Variants in CACNA1I observed in about 807,000 individuals in gnomAD.
CACNA1I encodes voltage-dependent T-type calcium channel subunit alpha-1I.
CACNA1I carries 74 observed loss-of-function variants against 201.6 expected under a neutral mutation model. The ratio of observed to expected loss-of-function variants is 0.37; its 90% CI spans 0.30 to 0.45. The LOEUF (loss-of-function observed/expected upper bound fraction) is 0.45, where lower values mean the gene tolerates loss of function less well. Ranked by LOEUF, CACNA1I falls within the 20% of genes least tolerant of loss-of-function variation. The probability of loss-of-function intolerance (pLI) is 1.00; values close to 1 mark genes in which losing one functional copy is unlikely to be tolerated. For missense variants in CACNA1I, 2,346 were observed against 3,138.1 expected (o/e 0.75, Z 6.03); for synonymous variants, 1,431 against 1,345.2 (o/e 1.06, Z -1.40).
intron 3 of CACNA1I, among the ~76,000 whole-genome samples, chr22:39,615,268 G>A (rs3788568): frequency 7.9e-4 from 120 of 152,126 alleles, no homozygotes; most frequent in African/African-American, 2.8e-3. Context: ...GGAGATGGAC[G>A]GAGGCCACAT....
At chr22:39,602,049 G>GCCCT (rs1351973659) in intron 3 of CACNA1I, among the ~76,000 whole-genome samples, 4 of 4,168 alleles carry the variant, frequency 9.6e-4, no homozygotes, top group South Asian at 0.011. Context: ...TCTTTCTTTC[G>GCCCT]CCCTCCCTCC....
rs1459117073 is a variant in CACNA1I at position 39,665,097 on chromosome 22, G to A, written c.3851+174G>A. Among the ~76,000 whole-genome samples, 1 of 152,098 alleles carries A rather than the reference G, an allele frequency of 6.6e-6. No individual in the cohort carries two copies. The highest frequency in any genetic ancestry group is 2.4e-5 in the African/African-American group (1 of 41,410). ...AGGGGTCTGCAGACCCTGGGGGTGG[G>A]GTATGCTGGAAGAGCAGGGCTGAAG... On this transcript the variant is annotated intron_variant, in intron 21 of 36. Transcript: ENST00000402142. The surrounding 1 kb of genome is among the most constrained non-coding windows in gnomAD (Gnocchi z 5.5).
chr22:39,596,516 A>G, intron 1 of CACNA1I, among the ~76,000 whole-genome samples: 1 of 45,826 alleles, frequency 2.2e-5, no homozygotes, highest in Admixed American at 2.6e-4. Context: ...GGGTGGAGAG[A>G]GATGGGGGGG....
rs759603524 is a variant in CACNA1I, at chr22:39,649,664, G to C, written c.1731G>C (p.Ser577=). 8.6e-6 allele frequency: 13 copies of C among 1,515,638 alleles called. No individual in the cohort carries two copies. In the South Asian group the frequency reaches 1.4e-4, roughly 16 times the overall value. The allele number at this position is 1,515,638 out of a possible 1,614,324, so 93.9% of individuals were successfully genotyped here. ...LGSTDSGQEG[S]GSGSSAGGED... ...GCACCGACTCGGGCCAGGAGGGCTC[G>C]GGCTCCGGGAGCTCCGCTGGTGGCG... Residue 577 remains serine, a synonymous_variant, in exon 10 of 37, where the codon TCG becomes TCC. Transcript: ENST00000402142. The surrounding 1 kb of genome is among the most constrained non-coding windows in gnomAD (Gnocchi z 7.3).
intron 3 of CACNA1I, 83 bp from the exon 4 acceptor site, chr22:39,619,226 AG>A: frequency 1.0e-6 from 1 of 992,348 alleles, no homozygotes; most frequent in Non-Finnish European, 1.6e-6. Context: ...AGTAGTGCGC[AG>A]GTGGCTGGAG....
intron 4 of CACNA1I, among the ~76,000 whole-genome samples, chr22:39,623,095 G>T (rs1933797176): frequency 6.6e-6 from 1 of 152,252 alleles, no homozygotes; most frequent in Non-Finnish European, 1.5e-5. Flanking sequence ...CTGCAGGCGG[G>T]CTTAGGGGCA....
At chr22:39,575,711 A>G (rs1306851726) in intron 1 of CACNA1I, among the ~76,000 whole-genome samples, 1 of 152,104 alleles carries the variant, frequency 6.6e-6, no homozygotes, top group East Asian at 1.9e-4. Flanking sequence ...ATGGGGAGCC[A>G]TCAGCCTGAA....
chr22:39,680,581 A>G (rs769587611), intron 33 of CACNA1I, among the ~76,000 whole-genome samples: 10 of 152,172 alleles, frequency 6.6e-5, no homozygotes, highest in Non-Finnish European at 1.2e-4. Flanking sequence ...ACATGGGGCC[A>G]TAGATGAGTC....
Position 39,677,503 on chromosome 22 carries a change from C to G in CACNA1I, c.4933+84C>G. Reference sequence around the variant, plus strand: ...GGGGGGGCGGGGGAGGCCTGAGACCCCTGAGCCCGTCACATCAGGGTCTTT... The same window carrying G: ...GGGGGGGCGGGGGAGGCCTGAGACCGCTGAGCCCGTCACATCAGGGTCTTT... On this transcript the variant is annotated intron_variant, in intron 30 of 36. Transcript: ENST00000402142. This position sits in a 1 kb window ranked among gnomAD's most constrained non-coding sequence, Gnocchi z 4.8. 1.1e-6 allele frequency: 1 copy of G among 928,696 alleles called. No homozygotes were observed. Among genetic ancestry groups the G allele is most frequent in the South Asian group, 1.7e-5 (1 of 59,970 alleles). 57.5% of individuals were successfully genotyped at this position (928,696 alleles called of 1,614,324 possible). A position where few individuals can be genotyped will look rare whatever the true frequency, so the allele number is the denominator to read the frequency against.
chr22:39,588,385 C>CTTTTTTTTTTTT (rs3044379), intron 1 of CACNA1I, among the ~76,000 whole-genome samples: 22 of 80,678 alleles, frequency 2.7e-4, no homozygotes, highest in South Asian at 4.9e-4. Context: ...TTCTTTCTTT[C>CTTTTTTTTTTTT]TTTTTTTTTT....
At chr22:39,576,229 C>G (rs1452318598) in intron 1 of CACNA1I, among the ~76,000 whole-genome samples, 1 of 152,226 alleles carries the variant, frequency 6.6e-6, no homozygotes, top group Non-Finnish European at 1.5e-5. Flanking sequence ...GTAAAGCACC[C>G]AGCGGTGTGT....
At chr22:39,596,017 C>T (rs921662884) in intron 1 of CACNA1I, among the ~76,000 whole-genome samples, 2 of 148,668 alleles carry the variant, frequency 1.3e-5, no homozygotes, top group African/African-American at 5.0e-5. Flanking sequence ...AAGCTCAGCC[C>T]TTGAAGTGGG....
chr22:39,650,434 G>A (rs999373955), intron 10 of CACNA1I, among the ~76,000 whole-genome samples: 11 of 152,156 alleles, frequency 7.2e-5, no homozygotes, highest in Admixed American at 4.6e-4. Flanking sequence ...CTACAGGGAG[G>A]TGCCACCAAG....
chr22:39,610,108 T>C (rs1224859390), intron 3 of CACNA1I, among the ~76,000 whole-genome samples: 1 of 152,196 alleles, frequency 6.6e-6, no homozygotes, highest in African/African-American at 2.4e-5. Context: ...GCCCTCCGAA[T>C]GTCTTGAAGC....
intron 3 of CACNA1I, among the ~76,000 whole-genome samples, chr22:39,600,919 A>G (rs1286925170): frequency 6.6e-6 from 1 of 152,142 alleles, no homozygotes; most frequent in Non-Finnish European, 1.5e-5. Flanking sequence ...GACGCTCTCT[A>G]AGCTTTCATT....
chr22:39,608,421 C>T (rs755994005), intron 3 of CACNA1I, among the ~76,000 whole-genome samples: 12 of 151,152 alleles, frequency 7.9e-5, no homozygotes, highest in East Asian at 5.9e-4. Flanking sequence ...GGCAACATAG[C>T]GAGAGCCCAT....
intron 24 of CACNA1I, 30 bp from the exon 25 acceptor site, chr22:39,670,008 C>G (rs761907897): frequency 6.2e-7 from 1 of 1,611,578 alleles, no homozygotes; most frequent in South Asian, 1.1e-5. Flanking sequence ...GCCCAATCAG[C>G]CTCCTCAGCC....
intron 10 of CACNA1I, chr22:39,656,722 G>A: frequency 3.9e-6 from 2 of 519,062 alleles, no homozygotes; most frequent in South Asian, 1.4e-5. Flanking sequence ...TTGGAGTCCA[G>A]CTTGGTTCAG....
intron 10 of CACNA1I, among the ~76,000 whole-genome samples, chr22:39,655,954 A>G (rs941365831): frequency 7.9e-5 from 12 of 152,202 alleles, no homozygotes; most frequent in African/African-American, 2.9e-4. Context: ...GCTGATCATC[A>G]TCACGGAGTG....
Sources: gnomAD v4.1 joint callset for allele counts (sites outside exome capture counted in the v4.1 genomes callset) on GRCh38, gnomAD v4.1.1 for gene constraint, Gnocchi (gnomAD v3.1) non-coding constraint, MANE v1.5 for transcripts, NCBI Gene and HGNC (gene_info 2026-07-23, HGNC 2026-07-21) for gene names.